The following TRIM5 variants were observed in gnomAD, a reference collection of about 807,000 sequenced individuals.
TRIM5 encodes tripartite motif-containing protein 5.
TRIM5 carries 31 observed loss-of-function variants against 35.6 expected under a neutral mutation model. The ratio of observed to expected loss-of-function variants is 0.87; its 90% CI spans 0.65 to 1.18. The LOEUF (loss-of-function observed/expected upper bound fraction) is 1.18. TRIM5 is among the 50% of genes most tolerant of loss of function. The pLI, the probability that TRIM5 is intolerant of heterozygous loss-of-function variation, is 0.00. For synonymous variants in TRIM5, 243 were observed against 215.6 expected, an observed-to-expected ratio of 1.13 and a Z score of -1.11; for missense variants, 609 against 591.6, an observed-to-expected ratio of 1.03 and a Z score of -0.31.
the TRIM5 span, chr11:5,645,896 T>TATATATATATATATAG: frequency 1.3e-5 from 2 of 156,516 alleles, no homozygotes; most frequent in African/African-American, 6.1e-5. Context: ...TATATATATA[T>TATATATATATATATAG]CTATATATAG....
At chr11:5,613,646 A>ATAAG in the TRIM5 span, among the ~76,000 whole-genome samples, 11 of 152,208 alleles carry the variant, frequency 7.2e-5, no homozygotes, top group Non-Finnish European at 1.5e-4. Context: ...TTCCCATATA[A>ATAAG]TAAGTAAGTT....
intron 4 of TRIM5, among the ~76,000 whole-genome samples, chr11:5,675,724 A>C (rs1291557255): frequency 7.5e-6 from 1 of 133,186 alleles, no homozygotes; most frequent in Non-Finnish European, 1.6e-5. Context: ...ATTATACTTT[A>C]AGTTTTAGAG....
the TRIM5 span, chr11:5,590,262 G>A: frequency 0.034 from 5,518 of 163,504 alleles, 312 homozygotes; most frequent in African/African-American, 0.12. Context: ...TGAGGAGTGC[G>A]GGTGCATGGC....
chr11:5,642,626 G>A, the TRIM5 span: 1 of 1,396,750 alleles, frequency 7.2e-7, no homozygotes, highest in Non-Finnish European at 9.7e-7. Flanking sequence ...AGAGAATAAG[G>A]AATATTCTGT....
the TRIM5 span, chr11:5,603,747 G>A: frequency 6.2e-7 from 1 of 1,611,642 alleles, no homozygotes; most frequent in Non-Finnish European, 8.5e-7. Context: ...TGAGACCCCA[G>A]GATGGAATGG....
the TRIM5 span, chr11:5,589,102 C>G: frequency 6.6e-6 from 1 of 151,982 alleles, no homozygotes; most frequent in Non-Finnish European, 1.5e-5. Context: ...TTTTATCATA[C>G]CTATCTCAGA....
At chr11:5,631,885 TA>T in the TRIM5 span, among the ~76,000 whole-genome samples, 1 of 152,122 alleles carries the variant, frequency 6.6e-6, no homozygotes, top group Non-Finnish European at 1.5e-5. Context: ...GGTGGACATT[TA>T]AAAATAGATA....
chr11:5,608,334 T>C, the TRIM5 span: 1 of 1,612,420 alleles, frequency 6.2e-7, no homozygotes, highest in Non-Finnish European at 8.5e-7. Flanking sequence ...GGGCATGACC[T>C]GTTACTCCTT....
At chr11:5,673,016 A>T (rs1851687718) in intron 4 of TRIM5, among the ~76,000 whole-genome samples, 1 of 152,328 alleles carries the variant, frequency 6.6e-6, no homozygotes, top group South Asian at 2.1e-4. Flanking sequence ...AAATAACAAC[A>T]TCAAAAAAGA....
chr11:5,591,837 A>C, the TRIM5 span, among the ~76,000 whole-genome samples: 1 of 152,124 alleles, frequency 6.6e-6, no homozygotes, highest in African/African-American at 2.4e-5. Flanking sequence ...TTTGGGTTCC[A>C]CCTGTGGTTG....
chr11:5,604,336 G>C, the TRIM5 span, among the ~76,000 whole-genome samples: 143 of 152,300 alleles, frequency 9.4e-4, no homozygotes, highest in African/African-American at 3.1e-3. Flanking sequence ...TCCCAAGGGG[G>C]ATGGAGAATC....
chr11:5,640,477 G>C, the TRIM5 span, among the ~76,000 whole-genome samples: 3 of 150,818 alleles, frequency 2.0e-5, no homozygotes, highest in Non-Finnish European at 4.4e-5. Flanking sequence ...TGCATTTCTG[G>C]GATAAATTCT....
chr11:5,616,101 C>A, the TRIM5 span, among the ~76,000 whole-genome samples: 47 of 150,704 alleles, frequency 3.1e-4, 1 homozygote, highest in Middle Eastern at 6.9e-3. Flanking sequence ...CAGGCGCCCA[C>A]CACCACGCCC....
At chr11:5,612,069 T>C in the TRIM5 span, 2 of 152,234 alleles carry the variant, frequency 1.3e-5, no homozygotes, top group Non-Finnish European at 2.9e-5. Flanking sequence ...TTACTTCAAT[T>C]TGTTACCACA....
the TRIM5 span, among the ~76,000 whole-genome samples, chr11:5,588,643 T>A: frequency 6.6e-6 from 1 of 150,894 alleles, no homozygotes; most frequent in African/African-American, 2.4e-5. Flanking sequence ...TCTTTCTTTA[T>A]ACTAATTTTA....
At chr11:5,677,374 C>G (rs1444325599) in intron 4 of TRIM5, among the ~76,000 whole-genome samples, 3 of 152,184 alleles carry the variant, frequency 2.0e-5, no homozygotes, top group Non-Finnish European at 2.9e-5. Flanking sequence ...CACTGGCCAT[C>G]AGAGAAATGC....
the TRIM5 span, chr11:5,608,241 C>T: frequency 1.5e-6 from 2 of 1,376,944 alleles, no homozygotes; most frequent in East Asian, 5.0e-5. Flanking sequence ...AGTTTTTTCT[C>T]TACTTTGTGG....
the TRIM5 span, chr11:5,611,174 T>TG: frequency 6.2e-7 from 1 of 1,614,204 alleles, no homozygotes; most frequent in Non-Finnish European, 8.5e-7. Context: ...CTCGCCGTGT[T>TG]GGGGTTTTCT....
chr11:5,657,657 AATATATATTTATAATATAATAT>A, the TRIM5 span, among the ~76,000 whole-genome samples: 32 of 114,172 alleles, frequency 2.8e-4, no homozygotes, highest in Admixed American at 5.5e-4. Flanking sequence ...TATTATATAT[AATATATATTTATAATATAATAT>A]ATATATATTT....
Sources: allele counts gnomAD v4.1 joint callset (sites outside exome capture counted in the v4.1 genomes callset), GRCh38; gene constraint gnomAD v4.1.1; transcripts MANE v1.5; gene names NCBI Gene and HGNC (gene_info 2026-07-23, HGNC 2026-07-21).